The following IL20RB variants were observed in gnomAD, a reference collection of about 807,000 sequenced individuals.
IL20RB encodes interleukin 20 receptor subunit beta.
Under a neutral mutation model 33.3 loss-of-function variants are expected in IL20RB, and 21 were observed. That is an observed-to-expected ratio of 0.63 (90% CI 0.45 to 0.91). The LOEUF (loss-of-function observed/expected upper bound fraction) is 0.91, where lower values mean the gene tolerates loss of function less well. IL20RB is among the 40% of genes least tolerant of loss of function. The pLI is 0.00. For synonymous variants in IL20RB, 147 were observed against 146.8 expected, an observed-to-expected ratio of 1.00 and a Z score of -0.01; for missense variants, 345 against 384.8, an observed-to-expected ratio of 0.90 and a Z score of 0.86.
At chr3:137,009,131 C>T (rs192634861) in intron 6 of IL20RB, among the ~76,000 whole-genome samples, 52 of 152,254 alleles carry the variant, frequency 3.4e-4, no homozygotes, top group African/African-American at 7.9e-4. Context: ...TCTTTGCAAA[C>T]AAGGATGAAG....
chr3:136,982,972 G>A (rs1941814903), intron 3 of IL20RB, among the ~76,000 whole-genome samples: 2 of 152,240 alleles, frequency 1.3e-5, no homozygotes, highest in African/African-American at 4.8e-5. Flanking sequence ...GGAGAGGCAA[G>A]GGCTGATGGG....
chr3:136,979,179 T>C (rs943874360), intron 1 of IL20RB, among the ~76,000 whole-genome samples: 7 of 151,906 alleles, frequency 4.6e-5, no homozygotes, highest in Admixed American at 2.0e-4. Flanking sequence ...TGGGTGGGGG[T>C]CAGGAAGACT....
At chr3:136,987,450 G>T (rs1175079332) in intron 3 of IL20RB, among the ~76,000 whole-genome samples, 1 of 152,160 alleles carries the variant, frequency 6.6e-6, no homozygotes, top group Non-Finnish European at 1.5e-5. Flanking sequence ...GTGCCCATTG[G>T]TGTATTTACA....
intron 6 of IL20RB, among the ~76,000 whole-genome samples, chr3:137,004,133 G>A (rs961804146): frequency 6.6e-6 from 1 of 152,164 alleles, no homozygotes; most frequent in Non-Finnish European, 1.5e-5. Flanking sequence ...TGGTGGATAA[G>A]CTTTTTGATG....
chr3:137,004,992 A>T (rs1205061359), intron 6 of IL20RB, among the ~76,000 whole-genome samples: 1 of 152,200 alleles, frequency 6.6e-6, no homozygotes, highest in African/African-American at 2.4e-5. Context: ...GTTTCAAAGA[A>T]CATTTTTATT....
chr3:136,996,304 A>C (rs772523091), intron 6 of IL20RB, among the ~76,000 whole-genome samples: 8 of 152,234 alleles, frequency 5.3e-5, no homozygotes, highest in Non-Finnish European at 1.2e-4. Context: ...CAACCCCCAG[A>C]CCTCAACCAC....
chr3:136,981,114 T>C (rs548342935), intron 2 of IL20RB, among the ~76,000 whole-genome samples: 10 of 152,304 alleles, frequency 6.6e-5, no homozygotes, highest in African/African-American at 2.4e-4. Flanking sequence ...ACTGAACACC[T>C]ACATGTGTAG....
rs368727793 is a variant in IL20RB at position 137,010,191 on chromosome 3, C to T, written c.904C>T (p.Pro302Ser). The part of the protein sequence containing the change: ...VDACATAVMS[P>S]EELLRAWIS ...TGCCTGTGCCACGGCTGTGATGTCT[C>T]CTGAGGAACTCCTCAGGGCCTGGAT... is the stretch of plus-strand genomic sequence containing the variant. Residue 302 changes from proline to serine, a missense_variant, in exon 7 of 7, where the codon CCT (proline) becomes TCT (serine). Physicochemically the swap from Pro to Ser is moderately conservative, Grantham distance 74 (BLOSUM62 -1). Transcript: ENST00000329582. The T allele has an allele frequency of 9.4e-6, 15 of 1,599,724 alleles. No individual in the cohort carries two copies. The African/African-American group carries it at 1.6e-4, about 17-fold the overall frequency.
chr3:136,980,418 C>G (rs1159881186), intron 1 of IL20RB, 48 bp from the exon 2 acceptor site: 1 of 1,613,422 alleles, frequency 6.2e-7, no homozygotes, highest in Non-Finnish European at 8.5e-7. Context: ...TATGGCATTC[C>G]CCCACTATGA....
At chr3:136,959,348 G>C (rs904768137) in intron 1 of IL20RB, 17 of 152,128 alleles carry the variant, frequency 1.1e-4, no homozygotes, top group African/African-American at 3.9e-4. Flanking sequence ...GTCTTTCCAA[G>C]ACCTCTCTTT....
chr3:136,993,085 A>G (rs1465187840), intron 5 of IL20RB, among the ~76,000 whole-genome samples: 1 of 152,136 alleles, frequency 6.6e-6, no homozygotes, highest in African/African-American at 2.4e-5. Context: ...GAGGAGGGCC[A>G]GGCATGGTGG....
Position 136,958,112 on chromosome 3 carries a change from A to G in IL20RB, c.-2A>G, listed in dbSNP as rs375715090. ...TGTTCTAGGTCAAACTGAGTCTACC[A>G]AATGCAGACTTTCACAATGGTTCTA... On this transcript the variant is annotated 5_prime_UTR_variant, in exon 1 of 7. Transcript: ENST00000329582. The G allele has an allele frequency of 2.2e-5, 34 of 1,578,874 alleles. No homozygotes were observed. The African/African-American group carries it at 4.2e-4, about 19-fold the overall frequency.
At chr3:136,970,611 T>TTTCCTTCC (rs71134422) in intron 1 of IL20RB, among the ~76,000 whole-genome samples, 12,446 of 141,814 alleles carry the variant, frequency 0.088, 688 homozygotes, top group Non-Finnish European at 0.1. Context: ...GTTATTCTAG[T>TTTCCTTCC]TTCCTTCCTT....
rs1030326983 is a variant in IL20RB, at chr3:136,982,292, A to T, written c.348A>T (p.Thr116=). ...TVPYNLRVRA[T]LGSQTSAWSI... is the part of the protein sequence containing the mutation. ...CATACAACCTTCGTGTCAGGGCCAC[A>T]TTGGGCTCACAGACCTCAGCCTGGA... The change falls in exon 3 of 7, where the codon ACA becomes ACT. Residue 116 remains threonine (T), a synonymous_variant. Transcript: ENST00000329582. 6.2e-7 allele frequency: 1 copy of T among 1,610,398 alleles called. No homozygotes were observed. The highest frequency in any genetic ancestry group is 8.5e-7 in the Non-Finnish European group (1 of 1,177,188).
intron 3 of IL20RB, among the ~76,000 whole-genome samples, chr3:136,988,771 A>AG (rs1267461422): frequency 7.2e-5 from 11 of 152,166 alleles, no homozygotes; most frequent in Admixed American, 3.9e-4. Context: ...GAAAAAAAAA[A>AG]GCCGGTGACT....
At chr3:136,998,734 G>C (rs2108215628) in intron 6 of IL20RB, among the ~76,000 whole-genome samples, 1 of 152,066 alleles carries the variant, frequency 6.6e-6, no homozygotes, top group South Asian at 2.1e-4. Context: ...TGTTGCCCAG[G>C]CTAGTCTGGA....
At position 136,980,349 on chromosome 3, in the gene IL20RB, A is replaced by C. The variant is rs146849512; in HGVS notation, c.89-117A>C. 351 of 1,167,908 alleles carry C rather than the reference A, an allele frequency of 3.0e-4. No individual in the cohort carries two copies. The African/African-American group carries it at 4.5e-3, about 15-fold the overall frequency. 72.3% of individuals were successfully genotyped at this position (1,167,908 alleles called of 1,614,324 possible). A position where few individuals can be genotyped will look rare whatever the true frequency, so the allele number is the denominator to read the frequency against. ...TGTCTAGGCTGGAGTGCAGTGGTGC[A>C]ATCTCAGCTTACTGCAACCTCCGCC... On this transcript the variant is annotated intron_variant, in intron 1 of 6. Coordinates refer to ENST00000329582, the MANE Select transcript of IL20RB (RefSeq NM_144717.4).
At chr3:136,976,558 T>C (rs534629272) in intron 1 of IL20RB, among the ~76,000 whole-genome samples, 33 of 152,308 alleles carry the variant, frequency 2.2e-4, no homozygotes, top group African/African-American at 7.7e-4. Context: ...AGTGGCAACT[T>C]GTGCCTGTTT....
intron 5 of IL20RB, among the ~76,000 whole-genome samples, chr3:136,994,971 C>A (rs1577029070): frequency 1.3e-5 from 2 of 152,188 alleles, no homozygotes; most frequent in Non-Finnish European, 2.9e-5. Flanking sequence ...TCCTCCATAA[C>A]ATGAATCAAT....
Sources: gnomAD v4.1 joint callset for allele counts (sites outside exome capture counted in the v4.1 genomes callset) on GRCh38, gnomAD v4.1.1 for gene constraint, MANE v1.5 for transcripts, NCBI Gene and HGNC (gene_info 2026-07-23, HGNC 2026-07-21) for gene names.